The following CBY1 variants were observed in gnomAD, a reference collection of about 807,000 sequenced individuals.
CBY1 encodes chibby 1, beta catenin antagonist, also known as protein chibby homolog 1.
CBY1 carries 10 observed loss-of-function variants against 15.6 expected under a neutral mutation model. The observed-to-expected ratio is 0.64, with a 90% CI of 0.40 to 1.09. The LOEUF is 1.09. CBY1 is among the 50% of genes least tolerant of loss of function. The pLI is 0.01. For synonymous variants in CBY1, 61 were observed against 63.5 expected, an observed-to-expected ratio of 0.96 and a Z score of 0.19; for missense variants, 150 against 160.5, an observed-to-expected ratio of 0.93 and a Z score of 0.35.
At chr22:38,665,233 C>T (rs966519848) in intron 1 of CBY1, among the ~76,000 whole-genome samples, 5 of 152,088 alleles carry the variant, frequency 3.3e-5, no homozygotes, top group Admixed American at 6.6e-5. Context: ...GAGGCTGAGG[C>T]AGGCAGATCA....
rs1450080162 is a variant in CBY1, at chr22:38,656,696, A to G, written c.-93A>G. The G allele has an allele frequency of 6.6e-6, 1 of 152,036 alleles. No homozygotes were observed. The highest frequency in any genetic ancestry group is 2.4e-5 in the African/African-American group (1 of 41,360). The allele number at this position is 152,036 out of a possible 1,614,324, so 9.4% of individuals were successfully genotyped here. A position where few individuals can be genotyped will look rare whatever the true frequency, so the allele number is the denominator to read the frequency against. On this transcript the variant is annotated 5_prime_UTR_variant, in exon 1 of 5. Transcript: ENST00000216029. ...GGGTCAAGGTAACTCTGGGCTACAGAGTCCTTGCTGGGGGTTCGGGGAGCG... is the reference window on the plus strand; with the variant it reads ...GGGTCAAGGTAACTCTGGGCTACAGGGTCCTTGCTGGGGGTTCGGGGAGCG...
intron 1 of CBY1, chr22:38,657,033 G>T: frequency 1.9e-6 from 1 of 516,440 alleles, no homozygotes; most frequent in Non-Finnish European, 2.5e-6. Context: ...GACAGCCCTG[G>T]GGGCCGTGCA....
intron 1 of CBY1, chr22:38,666,781 C>A (rs1053358548): frequency 6.7e-5 from 10 of 149,778 alleles, no homozygotes; most frequent in African/African-American, 2.5e-4. Flanking sequence ...CGGCTCACTG[C>A]AACCTCTGCC....
intron 1 of CBY1, among the ~76,000 whole-genome samples, chr22:38,659,731 A>G (rs570510766): frequency 7.8e-4 from 118 of 151,944 alleles, no homozygotes; most frequent in Non-Finnish European, 1.3e-3. Context: ...GTGTGGTGGC[A>G]GGCGCCTGTA....
Position 38,673,279 on chromosome 22 carries a change from G to T in CBY1, c.*43G>T. On this transcript the variant is annotated 3_prime_UTR_variant, in exon 5 of 5. Transcript: ENST00000216029. ...ATTGGGGAGTAGGATGTGGCTGAGT[G>T]CTTTTTTTTTGGCCAGACTAGCGGA... 7.1e-7 allele frequency: 1 copy of T among 1,402,816 alleles called. No homozygotes were observed. Among genetic ancestry groups the T allele is most frequent in the South Asian group, 1.2e-5 (1 of 86,484 alleles). 86.9% of individuals were successfully genotyped at this position (1,402,816 alleles called of 1,614,324 possible).
At chr22:38,662,922 C>T (rs1252388142) in intron 1 of CBY1, among the ~76,000 whole-genome samples, 1 of 151,924 alleles carries the variant, frequency 6.6e-6, no homozygotes, top group South Asian at 2.1e-4. Context: ...GAATTCAAGA[C>T]CAGCCTGGCC....
chr22:38,663,697 CAAAA>C (rs35974746), intron 1 of CBY1, among the ~76,000 whole-genome samples: 3 of 76,452 alleles, frequency 3.9e-5, no homozygotes, highest in Admixed American at 1.8e-4. Context: ...ACTCTGTCTC[CAAAA>C]AAAAAAAAAA....
chr22:38,669,167 A>G (rs3788545), intron 2 of CBY1, among the ~76,000 whole-genome samples: 45,641 of 151,964 alleles, frequency 0.3, 6,928 homozygotes, highest in East Asian at 0.36. Context: ...ACAGCGCTCC[A>G]TATGGTCACT....
chr22:38,673,485 G>A lies in CBY1; in HGVS notation c.*249G>A. 2.5e-6 allele frequency: 1 copy of A among 403,640 alleles called. No individual in the cohort carries two copies. 25.0% of individuals were successfully genotyped at this position (403,640 alleles called of 1,614,324 possible). A position where few individuals can be genotyped will look rare whatever the true frequency, so the allele number is the denominator to read the frequency against. On this transcript the variant is annotated 3_prime_UTR_variant, in exon 5 of 5. Transcript: ENST00000216029. The stretch of plus-strand genomic sequence containing the variant: ...TGAAAACCAGACCGCACAGAGGCCT[G>A]GGGCTGCTGATGAGCTTTTTGGTGC...
At chr22:38,658,605 T>C (rs2092412561) in intron 1 of CBY1, among the ~76,000 whole-genome samples, 1 of 151,692 alleles carries the variant, frequency 6.6e-6, no homozygotes, top group African/African-American at 2.4e-5. Context: ...GGACTACGAA[T>C]AGATGGGACT....
intron 1 of CBY1, chr22:38,665,529 C>A: frequency 2.5e-6 from 1 of 400,076 alleles, no homozygotes; most frequent in South Asian, 1.3e-4. Flanking sequence ...GTAAATTTTG[C>A]TGTGTTTATA....
At chr22:38,657,624 A>T (rs2092404248) in intron 1 of CBY1, among the ~76,000 whole-genome samples, 1 of 152,226 alleles carries the variant, frequency 6.6e-6, no homozygotes, top group South Asian at 2.1e-4. Flanking sequence ...ACCCTTCCTC[A>T]TCTGTAATAC....
intron 1 of CBY1, among the ~76,000 whole-genome samples, chr22:38,662,317 T>A (rs535409706): frequency 4.0e-4 from 59 of 146,638 alleles, no homozygotes; most frequent in Non-Finnish European, 6.9e-4. Context: ...AAAAAATAAA[T>A]AAATAAATAA....
intron 1 of CBY1, among the ~76,000 whole-genome samples, chr22:38,663,706 A>AGG (rs2092428363): frequency 1.3e-5 from 2 of 150,422 alleles, no homozygotes; most frequent in African/African-American, 4.9e-5. Flanking sequence ...CCAAAAAAAA[A>AGG]AAAAAAAAAG....
In CBY1 at chr22:38,668,019, G is replaced by A. The variant is rs2092441815; in HGVS notation, c.-36G>A. ...CCCCTGACTTTTTCTGACCCTAGGAGAAGGGAGCACTGGCTTTGCTTTCAT... is the reference window on the plus strand; with the variant it reads ...CCCCTGACTTTTTCTGACCCTAGGAAAAGGGAGCACTGGCTTTGCTTTCAT... On this transcript the variant is annotated splice_region_variant and 5_prime_UTR_variant, in exon 2 of 5. Transcript: ENST00000216029. The A allele has an allele frequency of 4.4e-6, 7 of 1,602,596 alleles. No individual in the cohort carries two copies. Among genetic ancestry groups the A allele is most frequent in the Non-Finnish European group, 6.0e-6 (7 of 1,169,924 alleles).
chr22:38,673,301 C>A lies in CBY1; in HGVS notation c.*65C>A. Reference sequence around the variant, plus strand: ...AGTGCTTTTTTTTTGGCCAGACTAGCGGATTCAGTCCTGGAAGAGAGTATC... The same window carrying A: ...AGTGCTTTTTTTTTGGCCAGACTAGAGGATTCAGTCCTGGAAGAGAGTATC... On this transcript the variant is annotated 3_prime_UTR_variant, in exon 5 of 5. Coordinates refer to ENST00000216029, the MANE Select transcript of CBY1 (RefSeq NM_015373.4). The A allele has an allele frequency of 9.9e-7, 1 of 1,010,512 alleles. No homozygotes were observed. Among genetic ancestry groups the A allele is most frequent in the Non-Finnish European group, 1.6e-6 (1 of 636,268 alleles). 62.6% of individuals were successfully genotyped at this position (1,010,512 alleles called of 1,614,324 possible). A position where few individuals can be genotyped will look rare whatever the true frequency, so the allele number is the denominator to read the frequency against.
chr22:38,664,930 A>G (rs896188481), intron 1 of CBY1, among the ~76,000 whole-genome samples: 6 of 152,086 alleles, frequency 3.9e-5, no homozygotes, highest in Non-Finnish European at 7.4e-5. Context: ...TGCAGCCTCA[A>G]ACTCCTGGGC....
rs772626685 is a variant in CBY1, at chr22:38,671,097, G to A, written c.212G>A (p.Arg71Gln). ...ACAGGGGTTAGTGGCGGTGTGGACC[G>A]GAGGGAGGTTCAGCGCCTTCGCAGG... Reference protein sequence around the residue: ...AETGVSGGVDRREVQRLRRRN... With the variant: ...AETGVSGGVDQREVQRLRRRN... Residue 71 changes from arginine (R) to glutamine (Q), a missense_variant, in exon 4 of 5, where the codon CGG becomes CAG. Arg to Gln is a conservative substitution (Grantham distance 43). Coordinates refer to ENST00000216029, the MANE Select transcript of CBY1 (RefSeq NM_015373.4). The A allele has an allele frequency of 1.9e-5, 30 of 1,614,092 alleles. No individual in the cohort carries two copies. The highest frequency in any genetic ancestry group is 1.3e-4 in the Admixed American group (8 of 59,998).
At chr22:38,670,813 G>T in intron 2 of CBY1, 71 bp from the exon 3 acceptor site, 1 of 939,758 alleles carries the variant, frequency 1.1e-6, no homozygotes. Context: ...TCATATTGTT[G>T]GCGGAAGAGG....
Sources: allele counts gnomAD v4.1 joint callset (sites outside exome capture counted in the v4.1 genomes callset), GRCh38; gene constraint gnomAD v4.1.1; transcripts MANE v1.5; gene names NCBI Gene and HGNC (gene_info 2026-07-23, HGNC 2026-07-21).